CCDC121: variants seen among roughly 807,000 people sequenced by gnomAD.
The protein encoded by CCDC121 is coiled-coil domain-containing protein 121.
For missense variants in CCDC121, 238 were observed against 304.1 expected (o/e 0.78, Z 1.62); for synonymous variants, 108 against 120.0 (o/e 0.90, Z 0.65).
At position 27,628,976 on chromosome 2, in the gene CCDC121, T is replaced by G; in HGVS notation, c.-145A>C. On this transcript the variant is annotated 5_prime_UTR_variant, in exon 1 of 2. Coordinates refer to ENST00000324364, the MANE Select transcript of CCDC121 (RefSeq NM_024584.5). ...CGCTCCTTTCTGACGCTGTGGTGGT[T>G]TTCGTTCGCAGCCCAGAACATTGCG... 1 of 1,585,570 alleles carries G rather than the reference T, an allele frequency of 6.3e-7. No homozygotes were observed. Among genetic ancestry groups the G allele is most frequent in the South Asian group, 1.1e-5 (1 of 87,752 alleles).
At position 27,628,955 on chromosome 2, in the gene CCDC121, C is replaced by T. The variant is rs1673408559; in HGVS notation, c.-124G>A. The T allele has an allele frequency of 9.0e-6, 14 of 1,563,670 alleles. No individual in the cohort carries two copies. Among genetic ancestry groups the T allele is most frequent in the African/African-American group, 1.4e-5 (1 of 73,668 alleles). On this transcript the variant is annotated 5_prime_UTR_variant, in exon 1 of 2. Transcript: ENST00000324364. ...GCAACCGCCGCGCCCCTCACCCGCT[C>T]CTTTCTGACGCTGTGGTGGTTTTCG...
At chr2:27,627,961 TTAGG>T in intron 1 of CCDC121, 44 bp from the exon 2 acceptor site, 1 of 1,370,890 alleles carries the variant, frequency 7.3e-7, no homozygotes, top group Non-Finnish European at 1.0e-6. Flanking sequence ...TAATGAAACT[TTAGG>T]AAGTAAGTGC....
intron 1 of CCDC121, chr2:27,628,258 C>G (rs766871979): frequency 1.8e-4 from 153 of 863,956 alleles, no homozygotes; most frequent in Non-Finnish European, 2.2e-4. Context: ...CTGTTTGCAG[C>G]TACAAAGGGT....
At chr2:27,627,962 T>G (rs1266224725) in intron 1 of CCDC121, 45 bp from the exon 2 acceptor site, 5 of 1,367,136 alleles carry the variant, frequency 3.7e-6, no homozygotes, top group Non-Finnish European at 5.2e-6. Flanking sequence ...AATGAAACTT[T>G]AGGAAGTAAG....
At chr2:27,628,660 GC>G (rs745744300) in intron 1 of CCDC121, 20 of 1,551,408 alleles carry the variant, frequency 1.3e-5, no homozygotes, top group Non-Finnish European at 1.7e-5. Context: ...ATAAGCCCGA[GC>G]AGCCGGTCCT....
Position 27,627,181 on chromosome 2 carries a change from G to A in CCDC121, c.619C>T (p.Leu207=), listed in dbSNP as rs1266223453. 6.2e-6 allele frequency: 10 copies of A among 1,613,850 alleles called. No homozygotes were observed. The highest frequency in any genetic ancestry group is 7.6e-6 in the Non-Finnish European group (9 of 1,179,856). ...RENQQFKKEL[L]QLIEQAQKLT... The stretch of plus-strand genomic sequence containing the variant: ...TTCTGGGCTTGCTCAATTAGCTGCA[G>A]TAATTCCTTCTTGAACTGCTGGTTC... Residue 207 remains leucine (L), a synonymous_variant, in exon 2 of 2, where the codon CTG becomes TTG. Coordinates refer to ENST00000324364, the MANE Select transcript of CCDC121 (RefSeq NM_024584.5).
rs199636563 is a variant in CCDC121 at position 27,626,943 on chromosome 2, A to T, written c.*20T>A. 2,565 of 1,530,610 alleles carry T rather than the reference A, an allele frequency of 1.7e-3. 6 individuals carry two copies. Among genetic ancestry groups the T allele is most frequent in the Non-Finnish European group, 2.0e-3 (2,242 of 1,120,550 alleles). The allele number at this position is 1,530,610 out of a possible 1,614,324, so 94.8% of individuals were successfully genotyped here. On this transcript the variant is annotated 3_prime_UTR_variant, in exon 2 of 2. Transcript: ENST00000324364. ...AGAGTACTTGCTCCAGTTCTTATTT[A>T]ATCAGTGTTATTTTAGAAGTTACTT...
Position 27,627,269 on chromosome 2 carries a change from G to C in CCDC121, c.531C>G (p.Ala177=), listed in dbSNP as rs1673312078. The C allele has an allele frequency of 6.2e-7, 1 of 1,613,804 alleles. No individual in the cohort carries two copies. Among genetic ancestry groups the C allele is most frequent in the South Asian group, 1.1e-5 (1 of 91,076 alleles). ...KRKRRELNMK[A]QALKLAAKRF... is the part of the protein sequence containing the mutation. The stretch of plus-strand genomic sequence containing the variant: ...GCTTTGCTGCCAACTTCAAGGCCTG[G>C]GCCTTCATATTAAGCTCTCTTCTTT... The change falls in exon 2 of 2, where the codon GCC becomes GCG. Residue 177 remains alanine (A), a synonymous_variant. Transcript: ENST00000324364.
In CCDC121 at chr2:27,627,563, A is replaced by G. The variant is rs372484618; in HGVS notation, c.237T>C (p.Tyr79=). 5.2e-5 allele frequency: 84 copies of G among 1,614,028 alleles called. No homozygotes were observed. The highest frequency in any genetic ancestry group is 8.3e-5 in the Admixed American group (5 of 60,006). ...TTTTAAGCACTGAAATTTGTTCTGC[A>G]TATCTGGAGGCTGATTCTTGTCTTC... ...ERRRQESASR[Y]AEQISVLKTA... Residue 79 remains tyrosine, a synonymous_variant, in exon 2 of 2, where the codon TAT becomes TAC. Transcript: ENST00000324364.
chr2:27,628,135 T>A (rs1309479380), intron 1 of CCDC121: 4 of 622,406 alleles, frequency 6.4e-6, no homozygotes, highest in Non-Finnish European at 1.1e-5. Context: ...TTACCTCAGT[T>A]TTAAAAAAGG....
chr2:27,626,151 A>T lies in CCDC121; in HGVS notation c.*812T>A, dbSNP rs1307501449. ...CATTTAGGATAACAAACATCATTTT[A>T]CTTGCTATCTTTTAGAATGCTGCTA... On this transcript the variant is annotated 3_prime_UTR_variant, in exon 2 of 2. Coordinates refer to ENST00000324364, the MANE Select transcript of CCDC121 (RefSeq NM_024584.5). 1 of 152,348 alleles carries T rather than the reference A, an allele frequency of 6.6e-6. No individual in the cohort carries two copies. Among genetic ancestry groups the T allele is most frequent in the Non-Finnish European group, 1.5e-5 (1 of 68,016 alleles). The allele number at this position is 152,348 out of a possible 1,614,324, so 9.4% of individuals were successfully genotyped here.
At chr2:27,628,248 C>T in intron 1 of CCDC121, 1 of 791,974 alleles carries the variant, frequency 1.3e-6, no homozygotes, top group Non-Finnish European at 2.0e-6. Flanking sequence ...TTACTGAACA[C>T]TGTTTGCAGC....
Position 27,628,953 on chromosome 2 carries a change from C to G in CCDC121, c.-122G>C. 6.4e-7 allele frequency: 1 copy of G among 1,559,986 alleles called. No individual in the cohort carries two copies. Among genetic ancestry groups the G allele is most frequent in the East Asian group, 2.3e-5 (1 of 44,022 alleles). ...TGGCAACCGCCGCGCCCCTCACCCGCTCCTTTCTGACGCTGTGGTGGTTTT... is the reference window on the plus strand; with the variant it reads ...TGGCAACCGCCGCGCCCCTCACCCGGTCCTTTCTGACGCTGTGGTGGTTTT... On this transcript the variant is annotated 5_prime_UTR_variant, in exon 1 of 2. Transcript: ENST00000324364.
At position 27,627,487 on chromosome 2, in the gene CCDC121, G is replaced by C. The variant is rs529290296; in HGVS notation, c.313C>G (p.Gln105Glu). 3.1e-6 allele frequency: 5 copies of C among 1,614,096 alleles called. No individual in the cohort carries two copies. The highest frequency in any genetic ancestry group is 1.3e-5 in the African/African-American group (1 of 75,030). Residue 105 changes from glutamine to glutamate, a missense_variant, in exon 2 of 2, where the codon CAG becomes GAG. By Grantham distance (29) the Gln-to-Glu change is conservative. Transcript: ENST00000324364. ...NIQSSLKRKL[Q>E]AMRDIAILKE... The stretch of plus-strand genomic sequence containing the variant: ...AATATAGCAATGTCCCTCATTGCCT[G>C]CAACTTCCGCTTCAAACTGGATTGG...
rs1182460156 is a variant in CCDC121, at chr2:27,626,205, T to A, written c.*758A>T. The A allele has an allele frequency of 6.6e-6, 1 of 152,318 alleles. No individual in the cohort carries two copies. The highest frequency in any genetic ancestry group is 2.4e-5 in the African/African-American group (1 of 41,464). 9.4% of individuals were successfully genotyped at this position (152,318 alleles called of 1,614,324 possible). On this transcript the variant is annotated 3_prime_UTR_variant, in exon 2 of 2. Transcript: ENST00000324364. ...AAATCGATGGCACTTAAAAAAAAAG[T>A]TGTCCAAATATTTCAACTTTTTTTG... is the stretch of plus-strand genomic sequence containing the variant.
chr2:27,627,146 A>G lies in CCDC121; in HGVS notation c.654T>C (p.Ala218=), dbSNP rs149901115. Residue 218 remains alanine (A), a synonymous_variant, in exon 2 of 2, where the codon GCT becomes GCC. Transcript: ENST00000324364. ...QLIEQAQKLT[A]TQSHLENRKQ... ...TCCTGTTTTCTAAGTGGCTTTGAGT[A>G]GCCGTTAGTTTCTGGGCTTGCTCAA... is the stretch of plus-strand genomic sequence containing the variant. 0.013 allele frequency: 20,573 copies of G among 1,613,972 alleles called. 161 individuals are homozygous for G. Among genetic ancestry groups the G allele is most frequent in the Non-Finnish European group, 0.015 (17,165 of 1,179,910 alleles).
intron 1 of CCDC121, chr2:27,628,298 G>T (rs1558483333): frequency 8.2e-7 from 1 of 1,216,968 alleles, no homozygotes; most frequent in Non-Finnish European, 1.1e-6. Context: ...GTCAGGAGTA[G>T]AAATAATTTT....
At position 27,628,388 on chromosome 2, in the gene CCDC121, A is replaced by G. The variant is rs563048922; in HGVS notation, c.-118-471T>C. 3.2e-5 allele frequency: 49 copies of G among 1,550,660 alleles called. No individual in the cohort carries two copies. In the East Asian group the frequency reaches 1.1e-3, roughly 36 times the overall value. On this transcript the variant is annotated intron_variant, in intron 1 of 1. Coordinates refer to ENST00000324364, the MANE Select transcript of CCDC121 (RefSeq NM_024584.5). ...GGGAGGAAGCTCCCCTCCAGTACCT[A>G]CTTGCACCTGGAATCCAAGCATTCA...
rs942485943 is a variant in CCDC121 at position 27,625,693 on chromosome 2, T to C, written c.*1270A>G. 1.3e-5 allele frequency: 2 copies of C among 152,360 alleles called. No individual in the cohort carries two copies. Among genetic ancestry groups the C allele is most frequent in the Admixed American group, 6.5e-5 (1 of 15,286 alleles). 9.4% of individuals were successfully genotyped at this position (152,360 alleles called of 1,614,324 possible). A position where few individuals can be genotyped will look rare whatever the true frequency, so the allele number is the denominator to read the frequency against. On this transcript the variant is annotated 3_prime_UTR_variant, in exon 2 of 2. Transcript: ENST00000324364. ...TAACATTGTTTAATAAAAAACTACA[T>C]ATTTAACAGAAAAGTTGTTAAAGCT...
Sources: gnomAD v4.1 joint callset for allele counts on GRCh38, gnomAD v4.1.1 for gene constraint, MANE v1.5 for transcripts, NCBI Gene and HGNC (gene_info 2026-07-23, HGNC 2026-07-21) for gene names.